The following PLPPR1 variants were observed in gnomAD, a reference collection of about 807,000 sequenced individuals.
PLPPR1 encodes the protein phospholipid phosphatase-related protein type 1.
A neutral mutation model predicts 33.1 loss-of-function variants in PLPPR1; 10 were observed. The ratio of observed to expected loss-of-function variants is 0.30; its 90% CI spans 0.19 to 0.51. PLPPR1 has a LOEUF of 0.51. PLPPR1 is among the 20% of genes least tolerant of loss of function. The pLI is 0.97. For missense variants in PLPPR1, 304 were observed against 408.1 expected, an observed-to-expected ratio of 0.74 and a Z score of 2.20; for synonymous variants, 151 against 151.0, an observed-to-expected ratio of 1.00 and a Z score of 0.00.
chr9:101,155,819 C>G (rs998830437), intron 1 of PLPPR1, among the ~76,000 whole-genome samples: 56 of 152,280 alleles, frequency 3.7e-4, no homozygotes, highest in African/African-American at 1.0e-3. Context: ...AGTCTAGTCT[C>G]TAACTCCCGA....
rs185683229 is a variant in PLPPR1 at position 101,303,594 on chromosome 9, C to T, written c.386-5617C>T. Among the ~76,000 whole-genome samples the T allele has an allele frequency of 3.1e-3, 474 of 152,276 alleles. 5 individuals carry two copies. The highest frequency in any genetic ancestry group is 0.011 in the African/African-American group (458 of 41,556). ...GAGATTACAGCATGAGCCACTGTGC[C>T]TGGCCAACAATTTTTGATAAGAGAT... On this transcript the variant is annotated intron_variant, in intron 4 of 7. Transcript: ENST00000374874.
intron 4 of PLPPR1, among the ~76,000 whole-genome samples, chr9:101,289,475 G>C (rs1828453513): frequency 6.6e-6 from 1 of 152,182 alleles, no homozygotes; most frequent in South Asian, 2.1e-4. Context: ...AGTTGATATG[G>C]TTTGGCTTTG....
chr9:101,072,916 A>T (rs1314660275), intron 1 of PLPPR1, among the ~76,000 whole-genome samples: 3 of 152,182 alleles, frequency 2.0e-5, no homozygotes, highest in Non-Finnish European at 4.4e-5. Context: ...TTCACCATTC[A>T]TGGTTGCTAT....
chr9:101,300,528 G>T (rs1828733516), intron 4 of PLPPR1, among the ~76,000 whole-genome samples: 1 of 152,210 alleles, frequency 6.6e-6, no homozygotes, highest in African/African-American at 2.4e-5. Context: ...GAGGGCAACA[G>T]TGCCAGATCT....
chr9:101,043,597 A>G (rs923136383), intron 1 of PLPPR1, among the ~76,000 whole-genome samples: 2 of 152,060 alleles, frequency 1.3e-5, no homozygotes, highest in African/African-American at 2.4e-5. Flanking sequence ...TTTCGCTGCT[A>G]TAAACATGTT....
intron 1 of PLPPR1, among the ~76,000 whole-genome samples, chr9:101,139,519 G>A (rs1831421116): frequency 6.6e-6 from 1 of 152,142 alleles, no homozygotes; most frequent in South Asian, 2.1e-4. Flanking sequence ...TGGAAGAAAA[G>A]ATAAATTCTC....
chr9:101,040,515 T>C (rs1374163984), intron 1 of PLPPR1, among the ~76,000 whole-genome samples: 1 of 152,004 alleles, frequency 6.6e-6, no homozygotes. Context: ...ATCCTGAGAG[T>C]TGTTCATCAA....
intron 3 of PLPPR1, among the ~76,000 whole-genome samples, chr9:101,283,810 C>T (rs1828343125): frequency 6.6e-6 from 1 of 151,814 alleles, no homozygotes; most frequent in Non-Finnish European, 1.5e-5. Flanking sequence ...AAGATAATAA[C>T]CCAATTTAAA....
intron 1 of PLPPR1, among the ~76,000 whole-genome samples, chr9:101,134,190 C>T (rs1384426233): frequency 6.6e-6 from 1 of 152,122 alleles, no homozygotes; most frequent in Non-Finnish European, 1.5e-5. Context: ...TTCTGCCAGC[C>T]TTCAAGCCAA....
intron 3 of PLPPR1, among the ~76,000 whole-genome samples, chr9:101,277,119 A>C (rs1349416839): frequency 6.6e-6 from 1 of 152,216 alleles, no homozygotes; most frequent in Non-Finnish European, 1.5e-5. Context: ...GTAACTTTTA[A>C]ACAAAATCTA....
intron 4 of PLPPR1, among the ~76,000 whole-genome samples, chr9:101,308,165 G>A (rs1828888625): frequency 6.6e-6 from 1 of 152,200 alleles, no homozygotes; most frequent in Admixed American, 6.5e-5. Flanking sequence ...CATGGCAAAA[G>A]GGAATGCAGG....
intron 1 of PLPPR1, among the ~76,000 whole-genome samples, chr9:101,113,061 T>C (rs1007080252): frequency 3.5e-4 from 54 of 152,338 alleles, no homozygotes; most frequent in African/African-American, 1.3e-3. Context: ...CACAGTTGTA[T>C]ATACCTGGAC....
intron 1 of PLPPR1, among the ~76,000 whole-genome samples, chr9:101,155,307 A>G (rs1288653158): frequency 6.6e-6 from 1 of 152,138 alleles, no homozygotes; most frequent in East Asian, 1.9e-4. Context: ...AGAGTGGGTA[A>G]TTTATAAAGA....
chr9:101,274,333 G>A (rs1024367510), intron 3 of PLPPR1, among the ~76,000 whole-genome samples: 4 of 152,182 alleles, frequency 2.6e-5, no homozygotes, highest in African/African-American at 9.7e-5. Context: ...TTCATTTTGA[G>A]TTGAGACTGT....
intron 1 of PLPPR1, among the ~76,000 whole-genome samples, chr9:101,138,319 A>G (rs1394469256): frequency 6.6e-6 from 1 of 152,196 alleles, no homozygotes; most frequent in African/African-American, 2.4e-5. Flanking sequence ...GAATGTTAAC[A>G]TTTATAAGAC....
intron 2 of PLPPR1, among the ~76,000 whole-genome samples, chr9:101,211,999 G>T (rs1826700542): frequency 6.6e-6 from 1 of 152,008 alleles, no homozygotes; most frequent in South Asian, 2.1e-4. Flanking sequence ...AATTCAAGTT[G>T]TTCTAACACT....
At chr9:101,176,740 C>T (rs1053239339) in intron 1 of PLPPR1, among the ~76,000 whole-genome samples, 23 of 152,174 alleles carry the variant, frequency 1.5e-4, no homozygotes, top group Admixed American at 9.2e-4. Flanking sequence ...ACTTGAGCAG[C>T]GTCAGGGGAG....
At chr9:101,178,300 G>A (rs1826047881) in intron 1 of PLPPR1, among the ~76,000 whole-genome samples, 2 of 152,196 alleles carry the variant, frequency 1.3e-5, no homozygotes, top group Admixed American at 6.5e-5. Flanking sequence ...CCACTGCTGA[G>A]TGCCCAATTT....
intron 1 of PLPPR1, among the ~76,000 whole-genome samples, chr9:101,030,237 G>C (rs1037942155): frequency 7.2e-5 from 11 of 151,908 alleles, no homozygotes; most frequent in African/African-American, 2.7e-4. Flanking sequence ...CCTGTGAGGA[G>C]TCCAGGACTG....
Sources: gnomAD v4.1 joint callset for allele counts (sites outside exome capture counted in the v4.1 genomes callset) on GRCh38, gnomAD v4.1.1 for gene constraint, MANE v1.5 for transcripts, NCBI Gene and HGNC (gene_info 2026-07-23, HGNC 2026-07-21) for gene names.